FRK: variants seen among roughly 807,000 people sequenced by gnomAD.
FRK encodes the protein tyrosine-protein kinase FRK.
A neutral mutation model predicts 56.4 loss-of-function variants in FRK; 51 were observed. That is an observed-to-expected ratio of 0.90 (90% CI 0.72 to 1.14). The LOEUF is 1.14. FRK is among the 50% of genes most tolerant of loss of function. The pLI, the probability that FRK is intolerant of heterozygous loss-of-function variation, is 0.00. For missense variants in FRK, 570 were observed against 601.4 expected (o/e 0.95, Z 0.55); for synonymous variants, 245 against 217.9 (o/e 1.12, Z -1.10).
intron 2 of FRK, among the ~76,000 whole-genome samples, chr6:115,985,041 G>A (rs1774340227): frequency 6.6e-6 from 1 of 152,124 alleles, no homozygotes; most frequent in South Asian, 2.1e-4. Flanking sequence ...GTGGGGAAGA[G>A]CCTGAGCATG....
intron 1 of FRK, chr6:116,039,064 G>C: frequency 2.6e-6 from 2 of 764,936 alleles, no homozygotes; most frequent in Non-Finnish European, 2.4e-6. Flanking sequence ...TCTTTGGGGA[G>C]TCAGATAAGC....
chr6:116,039,344 G>A (rs1327549116), intron 1 of FRK: 3 of 1,422,834 alleles, frequency 2.1e-6, no homozygotes, highest in African/African-American at 2.8e-5. Context: ...TCTCTGATGT[G>A]GTGGCTCAGA....
chr6:116,010,937 T>A (rs1422587859), intron 1 of FRK, among the ~76,000 whole-genome samples: 1 of 152,162 alleles, frequency 6.6e-6, no homozygotes, highest in East Asian at 1.9e-4. Context: ...AACAGTTTCA[T>A]CCCAAGTGAC....
intron 1 of FRK, among the ~76,000 whole-genome samples, chr6:116,026,132 A>C (rs900496284): frequency 6.6e-6 from 1 of 152,192 alleles, no homozygotes; most frequent in Non-Finnish European, 1.5e-5. Context: ...AACTCAATAA[A>C]GCACAGAGAA....
the FRK span, among the ~76,000 whole-genome samples, chr6:116,078,143 A>G: frequency 2.6e-5 from 4 of 152,210 alleles, no homozygotes; most frequent in Non-Finnish European, 4.4e-5. Context: ...CTGGGCAACA[A>G]GAGCAAAACT....
At chr6:115,984,178 T>C (rs1056033201) in intron 2 of FRK, among the ~76,000 whole-genome samples, 8 of 152,098 alleles carry the variant, frequency 5.3e-5, no homozygotes, top group African/African-American at 1.9e-4. Context: ...TTGAATTCAT[T>C]CCACATCATT....
intron 4 of FRK, among the ~76,000 whole-genome samples, chr6:115,965,907 G>C (rs1386786800): frequency 1.2e-5 from 1 of 81,814 alleles, no homozygotes; most frequent in Non-Finnish European, 2.4e-5. Flanking sequence ...TGGTGGGGTC[G>C]GGGGAGGGGG....
chr6:115,953,763 C>T (rs1485341357), intron 5 of FRK, among the ~76,000 whole-genome samples: 1 of 152,168 alleles, frequency 6.6e-6, no homozygotes, highest in East Asian at 1.9e-4. Context: ...TCAAAACAAG[C>T]TTGACTCCAA....
intron 1 of FRK, among the ~76,000 whole-genome samples, chr6:116,044,244 C>T (rs1397638828): frequency 6.6e-6 from 1 of 152,186 alleles, no homozygotes; most frequent in Non-Finnish European, 1.5e-5. Context: ...ATGAGGCCAG[C>T]ATCATCCTGT....
rs765403881 is a variant in FRK, at chr6:115,942,600, C to A, written c.1332G>T (p.Gln444His). The A allele has an allele frequency of 1.2e-6, 2 of 1,613,608 alleles. No homozygotes were observed. The highest frequency in any genetic ancestry group is 2.2e-5 in the South Asian group (2 of 91,070). ...YSGMTGAQVI[Q>H]MLAQNYRLPQ... Reference sequence around the variant, plus strand: ...GAAGTCTATAGTTTTGAGCCAACATCTGGATTACCTGGGCACCTGTCATAC... The same window carrying A: ...GAAGTCTATAGTTTTGAGCCAACATATGGATTACCTGGGCACCTGTCATAC... Residue 444 changes from glutamine to histidine, a missense_variant, in exon 8 of 8, where the codon CAG (glutamine) becomes CAT (histidine). Coordinates refer to ENST00000606080, the MANE Select transcript of FRK (RefSeq NM_002031.3).
intron 5 of FRK, among the ~76,000 whole-genome samples, chr6:115,945,405 C>A (rs1772386975): frequency 6.6e-6 from 1 of 152,074 alleles, no homozygotes; most frequent in East Asian, 1.9e-4. Flanking sequence ...AATGGCCATT[C>A]TGGCTGGTGA....
At chr6:116,081,063 A>C in the FRK span, among the ~76,000 whole-genome samples, 2 of 152,204 alleles carry the variant, frequency 1.3e-5, no homozygotes, top group African/African-American at 2.4e-5. Flanking sequence ...ACAGCATTGC[A>C]GGGAAACTGC....
At chr6:115,978,157 T>C (rs1007192203) in intron 2 of FRK, among the ~76,000 whole-genome samples, 5 of 152,160 alleles carry the variant, frequency 3.3e-5, no homozygotes, top group African/African-American at 1.2e-4. Context: ...TTGGATTATA[T>C]TATCCCAGTT....
At chr6:116,008,534 T>C (rs1203666865) in intron 1 of FRK, among the ~76,000 whole-genome samples, 2 of 152,238 alleles carry the variant, frequency 1.3e-5, no homozygotes, top group African/African-American at 4.8e-5. Flanking sequence ...GCAATTGCTG[T>C]GGACTGCAGT....
At chr6:116,047,851 A>T (rs955752355) in intron 1 of FRK, among the ~76,000 whole-genome samples, 1 of 152,228 alleles carries the variant, frequency 6.6e-6, no homozygotes, top group African/African-American at 2.4e-5. Flanking sequence ...TTAAGTCTCC[A>T]CTTTTGTCAC....
At position 115,944,486 on chromosome 6, in the gene FRK, A is replaced by G. The variant is rs535800647; in HGVS notation, c.959-61T>C. 79 of 1,361,202 alleles carry G rather than the reference A, an allele frequency of 5.8e-5. No individual in the cohort carries two copies. The Middle Eastern group carries it at 1.1e-3, about 18-fold the overall frequency. The allele number at this position is 1,361,202 out of a possible 1,614,324, so 84.3% of individuals were successfully genotyped here. A position where few individuals can be genotyped will look rare whatever the true frequency, so the allele number is the denominator to read the frequency against. Reference sequence around the variant, plus strand: ...GAGAACATTTGAACTATGAAAGTGAATTCTGAGAATTTTGAATGTATGAGC... The same window carrying G: ...GAGAACATTTGAACTATGAAAGTGAGTTCTGAGAATTTTGAATGTATGAGC... On this transcript the variant is annotated intron_variant, in intron 5 of 7. Coordinates refer to ENST00000606080, the MANE Select transcript of FRK (RefSeq NM_002031.3).
chr6:116,080,599 C>T, the FRK span, among the ~76,000 whole-genome samples: 1 of 152,172 alleles, frequency 6.6e-6, no homozygotes, highest in Non-Finnish European at 1.5e-5. Context: ...AAAATAATTG[C>T]AGTCTAGAAA....
chr6:116,091,847 C>T, the FRK span, among the ~76,000 whole-genome samples: 7 of 152,044 alleles, frequency 4.6e-5, no homozygotes, highest in African/African-American at 1.2e-4. Flanking sequence ...AGCCGAGGGT[C>T]GACGGAGAGG....
At chr6:115,979,413 G>A (rs937236213) in intron 2 of FRK, among the ~76,000 whole-genome samples, 16 of 152,090 alleles carry the variant, frequency 1.1e-4, no homozygotes, top group African/African-American at 3.4e-4. Context: ...TTGTAGAGCT[G>A]TAAAATGTGT....
Sources: allele counts gnomAD v4.1 joint callset (sites outside exome capture counted in the v4.1 genomes callset), GRCh38; gene constraint gnomAD v4.1.1; transcripts MANE v1.5; gene names NCBI Gene and HGNC (gene_info 2026-07-23, HGNC 2026-07-21).